The following PLEKHA2 variants were observed in gnomAD, a reference collection of about 807,000 sequenced individuals.
The protein encoded by PLEKHA2 is pleckstrin homology domain-containing family A member 2.
PLEKHA2 carries 28 observed loss-of-function variants against 53.2 expected under a neutral mutation model. That is an observed-to-expected ratio of 0.53 (90% CI 0.39 to 0.72). The LOEUF is 0.72. Among genes scored for constraint, PLEKHA2 ranks in the 30% least tolerant of loss-of-function variants. The pLI is 0.00. For missense variants in PLEKHA2, 426 were observed against 537.9 expected, an observed-to-expected ratio of 0.79 and a Z score of 2.06; for synonymous variants, 193 against 196.4, an observed-to-expected ratio of 0.98 and a Z score of 0.14.
intron 10 of PLEKHA2, 144 bp downstream of exon 10, chr8:38,957,530 C>A: frequency 1.5e-6 from 1 of 654,600 alleles, no homozygotes. Context: ...CAGTCTGAGT[C>A]CCATTTCATC....
intron 9 of PLEKHA2, among the ~76,000 whole-genome samples, chr8:38,956,884 G>A (rs1051900757): frequency 2.0e-5 from 3 of 152,104 alleles, no homozygotes; most frequent in Admixed American, 6.6e-5. Flanking sequence ...AGTCTTAAGT[G>A]CCCCCCGGGG....
intron 10 of PLEKHA2, among the ~76,000 whole-genome samples, chr8:38,966,997 C>T (rs1396067189): frequency 7.4e-6 from 1 of 134,814 alleles, no homozygotes; most frequent in Admixed American, 8.0e-5. Context: ...CACCCTATGT[C>T]CATGTGTACC....
At chr8:38,920,598 A>C (rs1195826674) in intron 2 of PLEKHA2, among the ~76,000 whole-genome samples, 1 of 114,436 alleles carries the variant, frequency 8.7e-6, no homozygotes, top group Non-Finnish European at 1.8e-5. Context: ...TCAATTTGGG[A>C]TCTTACTCCG....
intron 5 of PLEKHA2, chr8:38,950,571 G>A (rs534797587): frequency 7.4e-5 from 23 of 309,142 alleles, no homozygotes; most frequent in Admixed American, 1.9e-4. Flanking sequence ...CGTGTGTTTC[G>A]CTTGACACTT....
chr8:38,907,817 T>TG lies in PLEKHA2; in HGVS notation c.-24+6372_-24+6373insG, dbSNP rs1833900529. ...TTCACTCATCCAGCCAGCCACTTAT[T>TG]TTATGTATGTATGTATGTATGTATG... On this transcript the variant is annotated intron_variant, in intron 1 of 11. Transcript: ENST00000617275. Among the ~76,000 whole-genome samples the TG allele has an allele frequency of 2.8e-5, 4 of 143,264 alleles. No homozygotes were observed. In the South Asian group the frequency reaches 6.8e-4, roughly 24 times the overall value. 94.0% of individuals were successfully genotyped at this position (143,264 alleles called of 152,430 possible).
chr8:38,953,421 A>G (rs887216280), intron 9 of PLEKHA2, 54 bp downstream of exon 9: 17 of 1,485,446 alleles, frequency 1.1e-5, no homozygotes, highest in Non-Finnish European at 1.6e-5. Context: ...GTCCTCTTAA[A>G]TCTCCCTTTA....
intron 8 of PLEKHA2, among the ~76,000 whole-genome samples, 155 bp from the exon 9 acceptor site, chr8:38,953,142 G>C (rs1236073886): frequency 1.3e-5 from 2 of 152,064 alleles, no homozygotes; most frequent in African/African-American, 4.8e-5. Context: ...TGCCCAGCCA[G>C]ATTTTTTTTT....
At chr8:38,930,597 T>C (rs1166042831) in intron 2 of PLEKHA2, among the ~76,000 whole-genome samples, 1 of 152,240 alleles carries the variant, frequency 6.6e-6, no homozygotes, top group East Asian at 1.9e-4. Context: ...CACTCCTGAC[T>C]TGTAGACTTC....
chr8:38,965,009 A>G (rs1835109612), intron 10 of PLEKHA2, among the ~76,000 whole-genome samples: 1 of 151,854 alleles, frequency 6.6e-6, no homozygotes. Context: ...CTTGAACCAC[A>G]GTATCCAGCC....
chr8:38,920,225 G>A (rs11777138), intron 2 of PLEKHA2, among the ~76,000 whole-genome samples: 60,636 of 151,140 alleles, frequency 0.4, 12,378 homozygotes, highest in East Asian at 0.59. Context: ...ATCTCGGCTC[G>A]CTGCAAGCTC....
intron 2 of PLEKHA2, among the ~76,000 whole-genome samples, chr8:38,929,380 T>A (rs1294831104): frequency 6.6e-6 from 1 of 152,264 alleles, no homozygotes; most frequent in Non-Finnish European, 1.5e-5. Flanking sequence ...GCAATGACAC[T>A]GGGCCTCTTT....
chr8:38,970,746 C>T lies in PLEKHA2; in HGVS notation c.*963C>T. On this transcript the variant is annotated 3_prime_UTR_variant, in exon 12 of 12. Transcript: ENST00000617275. ...CCAGGAGGTGGAGGTTGCAGTGAGC[C>T]AAGATCGCGCCATTGCACTCCAGTC... 6.6e-6 allele frequency: 1 copy of T among 152,668 alleles called. No individual in the cohort carries two copies. The highest frequency in any genetic ancestry group is 1.5e-5 in the Non-Finnish European group (1 of 68,296). 9.5% of individuals were successfully genotyped at this position (152,668 alleles called of 1,614,324 possible).
intron 3 of PLEKHA2, among the ~76,000 whole-genome samples, chr8:38,939,354 G>T (rs905540836): frequency 6.6e-6 from 1 of 152,106 alleles, no homozygotes; most frequent in East Asian, 1.9e-4. Flanking sequence ...TCTTACCCTT[G>T]CAGTGAGCCA....
At chr8:38,911,592 A>T (rs1303567225) in intron 1 of PLEKHA2, among the ~76,000 whole-genome samples, 1 of 152,138 alleles carries the variant, frequency 6.6e-6, no homozygotes, top group Non-Finnish European at 1.5e-5. Flanking sequence ...TATTGTCAGG[A>T]TGCCCACAGG....
At chr8:38,960,994 A>G (rs996349671) in intron 10 of PLEKHA2, 30 of 152,240 alleles carry the variant, frequency 2.0e-4, no homozygotes, top group African/African-American at 7.0e-4. Flanking sequence ...GCAGATATTC[A>G]AAATGTTGAC....
chr8:38,955,206 C>T (rs1374926424), intron 9 of PLEKHA2, among the ~76,000 whole-genome samples: 4 of 152,248 alleles, frequency 2.6e-5, no homozygotes, highest in East Asian at 3.9e-4. Context: ...ATCCCTCACC[C>T]CCCTCCTGCC....
At chr8:38,901,856 G>A (rs1833791547) in intron 1 of PLEKHA2, 1 of 152,304 alleles carries the variant, frequency 6.6e-6, no homozygotes, top group Non-Finnish European at 1.5e-5. Context: ...CGACTGCCCG[G>A]GCTGCGGGAG....
intron 3 of PLEKHA2, among the ~76,000 whole-genome samples, chr8:38,943,026 T>A (rs551450182): frequency 1.3e-5 from 2 of 152,204 alleles, no homozygotes; most frequent in Admixed American, 6.5e-5. Context: ...TTCATCTCTC[T>A]GAGTGTTCTG....
intron 2 of PLEKHA2, among the ~76,000 whole-genome samples, chr8:38,930,598 T>C (rs1343909298): frequency 6.6e-6 from 1 of 152,246 alleles, no homozygotes; most frequent in Non-Finnish European, 1.5e-5. Context: ...ACTCCTGACT[T>C]GTAGACTTCC....
Sources: gnomAD v4.1 joint callset for allele counts (sites outside exome capture counted in the v4.1 genomes callset) on GRCh38, gnomAD v4.1.1 for gene constraint, MANE v1.5 for transcripts, NCBI Gene and HGNC (gene_info 2026-07-23, HGNC 2026-07-21) for gene names.